The following DNAJB6 variants were observed in gnomAD, a reference collection of about 807,000 sequenced individuals.
DNAJB6 encodes the protein dnaJ homolog subfamily B member 6.
A neutral mutation model predicts 42.7 loss-of-function variants in DNAJB6; 16 were observed. That is an observed-to-expected ratio of 0.37 (90% CI 0.25 to 0.57). The LOEUF (loss-of-function observed/expected upper bound fraction) is 0.57. Among genes scored for constraint, DNAJB6 ranks in the 20% least tolerant of loss-of-function variants. The pLI, the probability that DNAJB6 is intolerant of heterozygous loss-of-function variation, is 0.74. For synonymous variants in DNAJB6, 170 were observed against 163.5 expected (o/e 1.04, Z -0.30); for missense variants, 347 against 416.8 (o/e 0.83, Z 1.46).
intron 5 of DNAJB6, chr7:157,369,125 G>A (rs1407114780): frequency 3.8e-5 from 14 of 370,550 alleles, no homozygotes; most frequent in Non-Finnish European, 6.9e-5. Flanking sequence ...GGCGATTTCC[G>A]ATTAGGGGAC....
At chr7:157,379,050 CAGT>C (rs1443410876) in intron 5 of DNAJB6, 2 of 152,016 alleles carry the variant, frequency 1.3e-5, no homozygotes, top group Non-Finnish European at 2.9e-5. Flanking sequence ...TACAAAATGT[CAGT>C]AGAGAAATAA....
chr7:157,359,711 C>G (rs1404962532), intron 2 of DNAJB6, among the ~76,000 whole-genome samples: 1 of 152,224 alleles, frequency 6.6e-6, no homozygotes. Flanking sequence ...CCCAACTGCT[C>G]CAGAGGCTGA....
At position 157,415,781 on chromosome 7, in the gene DNAJB6, G is replaced by A. The variant is rs566147722; in HGVS notation, c.899-235G>A. Among the ~76,000 whole-genome samples the A allele has an allele frequency of 3.2e-4, 48 of 152,336 alleles. No individual in the cohort carries two copies. In the South Asian group the frequency reaches 5.6e-3, roughly 18 times the overall value. On this transcript the variant is annotated intron_variant, in intron 9 of 9. Transcript: ENST00000262177. Reference sequence around the variant, plus strand: ...AGCTCTGCCGCTGGGCGGAACTCGGGTAGGTGGGAGTCCTCACTTCTCTGC... The same window carrying A: ...AGCTCTGCCGCTGGGCGGAACTCGGATAGGTGGGAGTCCTCACTTCTCTGC...
chr7:157,366,083 T>A (rs1164804031), intron 3 of DNAJB6, among the ~76,000 whole-genome samples: 1 of 152,142 alleles, frequency 6.6e-6, no homozygotes, highest in Non-Finnish European at 1.5e-5. Flanking sequence ...CCTGAGTAGC[T>A]GGGATTACAA....
chr7:157,365,837 T>A (rs182121868), intron 3 of DNAJB6, among the ~76,000 whole-genome samples: 25 of 151,108 alleles, frequency 1.7e-4, no homozygotes, highest in African/African-American at 5.8e-4. Flanking sequence ...GCTAATTTTG[T>A]ATTTTTAGTA....
chr7:157,399,121 T>A (rs1801728807), intron 8 of DNAJB6, among the ~76,000 whole-genome samples: 1 of 146,720 alleles, frequency 6.8e-6, no homozygotes, highest in African/African-American at 2.7e-5. Flanking sequence ...GTTGAGTTGT[T>A]TTCTTAAGGA....
At chr7:157,388,133 A>G (rs912385347) in intron 8 of DNAJB6, among the ~76,000 whole-genome samples, 2 of 152,264 alleles carry the variant, frequency 1.3e-5, no homozygotes, top group African/African-American at 2.4e-5. Flanking sequence ...GGCGTGAGCC[A>G]CTGCGCCTGG....
At chr7:157,395,428 T>A (rs1801538160) in intron 8 of DNAJB6, among the ~76,000 whole-genome samples, 1 of 152,216 alleles carries the variant, frequency 6.6e-6, no homozygotes, top group South Asian at 2.1e-4. Context: ...TGCAGGAGCT[T>A]AGCTTTGGGC....
At chr7:157,405,476 G>A (rs532751536) in intron 8 of DNAJB6, among the ~76,000 whole-genome samples, 4 of 152,276 alleles carry the variant, frequency 2.6e-5, no homozygotes, top group African/African-American at 9.6e-5. Flanking sequence ...GTGGTGACTG[G>A]GAGGCGAATG....
intron 3 of DNAJB6, among the ~76,000 whole-genome samples, chr7:157,365,271 A>G (rs909172473): frequency 2.0e-5 from 3 of 152,258 alleles, no homozygotes; most frequent in Non-Finnish European, 4.4e-5. Context: ...TTTTTTGAGG[A>G]ACGCAGATGG....
At chr7:157,373,061 C>T (rs1298753042) in intron 5 of DNAJB6, among the ~76,000 whole-genome samples, 1 of 152,188 alleles carries the variant, frequency 6.6e-6, no homozygotes, top group African/African-American at 2.4e-5. Context: ...AGCCACTGTG[C>T]CCAGCCACAA....
At chr7:157,396,947 C>T (rs1584939410) in intron 8 of DNAJB6, among the ~76,000 whole-genome samples, 2 of 152,318 alleles carry the variant, frequency 1.3e-5, no homozygotes, top group African/African-American at 2.4e-5. Flanking sequence ...GAAAGGGGTC[C>T]TGAACCTGCC....
chr7:157,412,306 G>C (rs1201246417), intron 9 of DNAJB6: 1 of 152,174 alleles, frequency 6.6e-6, no homozygotes, highest in Admixed American at 6.5e-5. Context: ...GCTGGTGGGT[G>C]ACAGGGAAGA....
At chr7:157,340,662 G>GA (rs1798313893) in intron 1 of DNAJB6, among the ~76,000 whole-genome samples, 1 of 152,062 alleles carries the variant, frequency 6.6e-6, no homozygotes, top group Admixed American at 6.6e-5. Context: ...AAGGAATATT[G>GA]ATTGATGATT....
intron 1 of DNAJB6, among the ~76,000 whole-genome samples, chr7:157,354,977 G>A (rs1001763667): frequency 1.3e-5 from 2 of 152,190 alleles, no homozygotes; most frequent in East Asian, 1.9e-4. Context: ...CCAAGTGGCT[G>A]TGTCAAGTAG....
At chr7:157,406,528 G>A (rs546045605) in intron 8 of DNAJB6, among the ~76,000 whole-genome samples, 16 of 152,346 alleles carry the variant, frequency 1.1e-4, no homozygotes, top group Admixed American at 9.8e-4. Flanking sequence ...GGGGGAGGGA[G>A]GCTTCTGGGT....
intron 8 of DNAJB6, chr7:157,386,242 GGT>G (rs35152520): frequency 0.026 from 25,219 of 981,598 alleles, 330 homozygotes; most frequent in Middle Eastern, 0.048. Context: ...TGGTAAACTG[GGT>G]CTTTGTCATT....
intron 1 of DNAJB6, among the ~76,000 whole-genome samples, chr7:157,348,864 T>C (rs966378944): frequency 2.2e-4 from 34 of 152,116 alleles, no homozygotes; most frequent in African/African-American, 8.0e-4. Flanking sequence ...CTGTGTGCTG[T>C]CGTTATTTTG....
At chr7:157,343,102 GTGCTT>G in intron 1 of DNAJB6, among the ~76,000 whole-genome samples, 1 of 151,156 alleles carries the variant, frequency 6.6e-6, no homozygotes, top group Admixed American at 6.6e-5. Flanking sequence ...AGCAATTCTT[GTGCTT>G]CAGCCTTCTT....
Sources: gnomAD v4.1 joint callset for allele counts (sites outside exome capture counted in the v4.1 genomes callset) on GRCh38, gnomAD v4.1.1 for gene constraint, MANE v1.5 for transcripts, NCBI Gene and HGNC (gene_info 2026-07-23, HGNC 2026-07-21) for gene names.